The following SNX29 variants were observed in gnomAD, a reference collection of about 807,000 sequenced individuals.
SNX29 encodes sorting nexin-29.
A neutral mutation model predicts 102.1 loss-of-function variants in SNX29; 78 were observed. The ratio of observed to expected loss-of-function variants is 0.76; its 90% CI spans 0.64 to 0.92. SNX29 has a LOEUF of 0.92. SNX29 is among the 40% of genes least tolerant of loss of function. The pLI is 0.00. For synonymous variants in SNX29, 580 were observed against 414.5 expected (o/e 1.40, Z -4.85); for missense variants, 1,280 against 1,061.7 (o/e 1.21, Z -2.86).
At chr16:12,568,404 C>G (rs1276827797) in intron 20 of SNX29, 102 bp from the exon 21 acceptor site, 31 of 1,485,674 alleles carry the variant, frequency 2.1e-5, no homozygotes, top group Middle Eastern at 3.5e-4. Context: ...TCACAGTTGC[C>G]AATCAGATCC....
chr16:12,028,152 A>G (rs1370641462), intron 4 of SNX29, among the ~76,000 whole-genome samples: 1 of 152,034 alleles, frequency 6.6e-6, no homozygotes, highest in African/African-American at 2.4e-5. Flanking sequence ...GGAATCCCGG[A>G]ATCTTTCTTA....
intron 16 of SNX29, among the ~76,000 whole-genome samples, chr16:12,362,690 G>T (rs566363729): frequency 6.6e-6 from 1 of 151,594 alleles, no homozygotes; most frequent in African/African-American, 2.4e-5. Context: ...TGCCAGGGCT[G>T]CATATCAGCT....
intron 11 of SNX29, among the ~76,000 whole-genome samples, chr16:12,107,164 G>T (rs1262114774): frequency 6.6e-6 from 1 of 152,046 alleles, no homozygotes; most frequent in African/African-American, 2.4e-5. Flanking sequence ...TTAGTTAAAC[G>T]GCCACAGCTG....
At chr16:12,105,227 C>CCCCCCCTT (rs1567210237) in intron 11 of SNX29, among the ~76,000 whole-genome samples, 1 of 105,672 alleles carries the variant, frequency 9.5e-6, no homozygotes, top group Non-Finnish European at 2.0e-5. Flanking sequence ...CTCCCTCCCT[C>CCCCCCCTT]CCTTCCTTCC....
At chr16:12,299,708 C>CCCCACCCCAT (rs2080099657) in intron 15 of SNX29, among the ~76,000 whole-genome samples, 1 of 151,714 alleles carries the variant, frequency 6.6e-6, no homozygotes, top group Non-Finnish European at 1.5e-5. Flanking sequence ...CCTCCCTTTC[C>CCCCACCCCAT]CCCACCCCAT....
At chr16:12,556,181 A>G (rs753629379) in intron 20 of SNX29, among the ~76,000 whole-genome samples, 1 of 152,106 alleles carries the variant, frequency 6.6e-6, no homozygotes, top group African/African-American at 2.4e-5. Flanking sequence ...CACATCCCAG[A>G]TGTTGCTGAG....
intron 13 of SNX29, among the ~76,000 whole-genome samples, chr16:12,165,056 G>A (rs2055956302): frequency 6.6e-6 from 1 of 152,214 alleles, no homozygotes; most frequent in South Asian, 2.1e-4. Flanking sequence ...TCATGTGAGT[G>A]AATCAAGAGT....
intron 18 of SNX29, among the ~76,000 whole-genome samples, chr16:12,417,938 G>A (rs543336138): frequency 1.3e-5 from 2 of 152,118 alleles, no homozygotes; most frequent in Non-Finnish European, 2.9e-5. Context: ...TTGGTACTCC[G>A]CACTGTCTGT....
rs1238095274 is a variant in SNX29, at chr16:12,572,306, C to CA, written c.*3678dup. On this transcript the variant is annotated 3_prime_UTR_variant, in exon 21 of 21. Transcript: ENST00000566228. ...AGTACTGGGGCCAGTGATCACAATCCAGGTTGGAAACAGGAGTGAAGCCCA... is the reference window on the plus strand; with the variant it reads ...AGTACTGGGGCCAGTGATCACAATCCAAGGTTGGAAACAGGAGTGAAGCCCA... 1.0e-5 allele frequency: 9 copies of CA among 894,932 alleles called. No individual in the cohort carries two copies. The highest frequency in any genetic ancestry group is 1.1e-5 in the Non-Finnish European group (9 of 796,466). The allele number at this position is 894,932 out of a possible 1,614,324, so 55.4% of individuals were successfully genotyped here. A position where few individuals can be genotyped will look rare whatever the true frequency, so the allele number is the denominator to read the frequency against.
At chr16:12,164,116 C>G (rs932772378) in intron 13 of SNX29, among the ~76,000 whole-genome samples, 2 of 151,926 alleles carry the variant, frequency 1.3e-5, no homozygotes, top group Non-Finnish European at 2.9e-5. Flanking sequence ...ACAAAGGAGC[C>G]AAGACTGGAA....
chr16:12,560,598 AAGC>A (rs1032806719), intron 20 of SNX29, among the ~76,000 whole-genome samples: 6 of 152,128 alleles, frequency 3.9e-5, no homozygotes, highest in Non-Finnish European at 8.8e-5. Context: ...ACCTCTCATA[AAGC>A]AGCAAGCAAC....
intron 11 of SNX29, among the ~76,000 whole-genome samples, chr16:12,121,082 C>T (rs1040244566): frequency 2.6e-5 from 4 of 152,222 alleles, no homozygotes; most frequent in South Asian, 4.1e-4. Flanking sequence ...AATTCACTTA[C>T]GCATCTTACC....
chr16:12,346,871 C>T (rs2081827893), intron 15 of SNX29, among the ~76,000 whole-genome samples: 1 of 152,152 alleles, frequency 6.6e-6, no homozygotes. Context: ...AGCCTCCCTC[C>T]CTGGCTTGCC....
rs139717129 is a variant in SNX29, at chr16:12,216,880, G to A, written c.1678+17197G>A. On this transcript the variant is annotated intron_variant, in intron 14 of 20. Coordinates refer to ENST00000566228, the MANE Select transcript of SNX29 (RefSeq NM_032167.5). ...GTCTTCTCTTCTGCAGTTTGCCCAC[G>A]ACACTTTCATGAGGCCACAGCTAGC... Among the ~76,000 whole-genome samples the A allele has an allele frequency of 1.2e-3, 184 of 152,264 alleles. 3 individuals carry two copies. The highest frequency in any genetic ancestry group is 0.01 in the Middle Eastern group (3 of 294).
chr16:12,544,857 G>C (rs2077515072), intron 20 of SNX29, among the ~76,000 whole-genome samples: 1 of 152,232 alleles, frequency 6.6e-6, no homozygotes, highest in Non-Finnish European at 1.5e-5. Context: ...CCCACATGCA[G>C]CCAGTGTCAA....
intron 14 of SNX29, among the ~76,000 whole-genome samples, chr16:12,235,785 T>TTGTG (rs71408254): frequency 0.046 from 6,842 of 147,992 alleles, 469 homozygotes; most frequent in African/African-American, 0.15. Flanking sequence ...GGGTTGTAAA[T>TTGTG]TGTGTGTGTG....
chr16:12,181,571 T>A (rs1015219682), intron 13 of SNX29, among the ~76,000 whole-genome samples: 41 of 152,112 alleles, frequency 2.7e-4, no homozygotes, highest in Admixed American at 2.7e-3. Flanking sequence ...CTTTTCCCTT[T>A]AGCTTAGTGA....
chr16:12,062,917 A>AT (rs1231460622), intron 9 of SNX29, among the ~76,000 whole-genome samples: 3 of 152,152 alleles, frequency 2.0e-5, no homozygotes, highest in African/African-American at 7.2e-5. Context: ...GCCTGAGTGC[A>AT]TTACTGCTCT....
At chr16:12,039,563 A>G (rs2057570794) in intron 4 of SNX29, among the ~76,000 whole-genome samples, 1 of 152,002 alleles carries the variant, frequency 6.6e-6, no homozygotes, top group African/African-American at 2.4e-5. Flanking sequence ...CAGTTTCTGG[A>G]GATGGGTGTA....
Sources: allele counts gnomAD v4.1 joint callset (sites outside exome capture counted in the v4.1 genomes callset), GRCh38; gene constraint gnomAD v4.1.1; transcripts MANE v1.5; gene names NCBI Gene and HGNC (gene_info 2026-07-23, HGNC 2026-07-21).